The following UBE2E2 variants were observed in gnomAD, a reference collection of about 807,000 sequenced individuals.
UBE2E2 encodes ubiquitin-conjugating enzyme E2 E2.
Under a neutral mutation model 24.7 loss-of-function variants are expected in UBE2E2, and 6 were observed. The observed-to-expected ratio is 0.24, with a 90% CI of 0.13 to 0.48. UBE2E2 has a LOEUF of 0.48. UBE2E2 is among the 20% of genes least tolerant of loss of function. The probability of loss-of-function intolerance (pLI) is 0.99; values close to 1 mark genes in which losing one functional copy is unlikely to be tolerated. For missense variants in UBE2E2, 169 were observed against 245.0 expected (o/e 0.69, Z 2.07); for synonymous variants, 104 against 83.6 (o/e 1.24, Z -1.33).
chr3:23,560,299 G>A (rs1344761423), intron 5 of UBE2E2, among the ~76,000 whole-genome samples: 2 of 141,804 alleles, frequency 1.4e-5, no homozygotes, highest in Non-Finnish European at 3.0e-5. Flanking sequence ...TCCCACCTAT[G>A]AGTGAGAACA....
chr3:23,535,172 T>G (rs1412123764), intron 5 of UBE2E2, among the ~76,000 whole-genome samples: 1 of 152,196 alleles, frequency 6.6e-6, no homozygotes, highest in Non-Finnish European at 1.5e-5. Flanking sequence ...CAGGCTTAGT[T>G]TTTGATATAA....
intron 3 of UBE2E2, among the ~76,000 whole-genome samples, chr3:23,453,738 C>T (rs1698617215): frequency 1.3e-5 from 2 of 152,190 alleles, no homozygotes; most frequent in African/African-American, 4.8e-5. Flanking sequence ...TCCTAACCCT[C>T]TGCAACCAAC....
chr3:23,463,503 C>T (rs1217299891), intron 3 of UBE2E2, among the ~76,000 whole-genome samples: 2 of 151,972 alleles, frequency 1.3e-5, no homozygotes, highest in Non-Finnish European at 2.9e-5. Flanking sequence ...ATAACCATTA[C>T]CCCAGGTCCC....
chr3:23,374,472 A>G (rs1048121059), intron 3 of UBE2E2, among the ~76,000 whole-genome samples: 1 of 152,222 alleles, frequency 6.6e-6, no homozygotes, highest in African/African-American at 2.4e-5. Flanking sequence ...ATACTATAAA[A>G]TGCTACTTAG....
intron 3 of UBE2E2, among the ~76,000 whole-genome samples, chr3:23,341,172 G>C (rs1695378595): frequency 6.6e-6 from 1 of 152,126 alleles, no homozygotes; most frequent in Non-Finnish European, 1.5e-5. Context: ...TTAAATATTG[G>C]AGGTAAGACT....
rs943097144 is a variant in UBE2E2, at chr3:23,517,013, A to C, written c.361-15541A>C. Among the ~76,000 whole-genome samples, 4 of 152,156 alleles carry C rather than the reference A, an allele frequency of 2.6e-5. No homozygotes were observed. The East Asian group carries it at 7.7e-4, about 29-fold the overall frequency. On this transcript the variant is annotated intron_variant, in intron 4 of 5. Coordinates refer to ENST00000396703, the MANE Select transcript of UBE2E2 (RefSeq NM_152653.4). The stretch of plus-strand genomic sequence containing the variant: ...GATAATTTTGACTAAAATAGGAGGA[A>C]ATAAATGAAACACTGACCAATACAG...
chr3:23,254,989 C>T (rs1309505582), intron 3 of UBE2E2, among the ~76,000 whole-genome samples: 1 of 151,164 alleles, frequency 6.6e-6, no homozygotes, highest in East Asian at 1.9e-4. Flanking sequence ...TAAGCCAGTG[C>T]TGCATAAGTG....
chr3:23,226,474 C>T (rs1345914373), intron 3 of UBE2E2, among the ~76,000 whole-genome samples: 1 of 150,342 alleles, frequency 6.7e-6, no homozygotes, highest in Non-Finnish European at 1.5e-5. Flanking sequence ...CATTAAGTAA[C>T]TTGTTCAAGG....
chr3:23,478,642 G>A (rs1699187823), intron 3 of UBE2E2, among the ~76,000 whole-genome samples: 1 of 152,110 alleles, frequency 6.6e-6, no homozygotes, highest in South Asian at 2.1e-4. Flanking sequence ...TACTAAAGTA[G>A]CAAATTCAAA....
At chr3:23,545,597 G>A (rs1695504904) in intron 5 of UBE2E2, among the ~76,000 whole-genome samples, 1 of 152,128 alleles carries the variant, frequency 6.6e-6, no homozygotes, top group African/African-American at 2.4e-5. Flanking sequence ...CACAGACACA[G>A]TAACAATCTG....
intron 3 of UBE2E2, among the ~76,000 whole-genome samples, chr3:23,484,857 A>G (rs578202915): frequency 1.6e-3 from 240 of 152,202 alleles, no homozygotes; most frequent in African/African-American, 5.5e-3. Flanking sequence ...ACAGAATGGG[A>G]AAGACCCACC....
At chr3:23,348,098 A>G (rs573345129) in intron 3 of UBE2E2, among the ~76,000 whole-genome samples, 9 of 152,208 alleles carry the variant, frequency 5.9e-5, no homozygotes, top group African/African-American at 1.4e-4. Flanking sequence ...AATCATCGCA[A>G]GACGACAATG....
At chr3:23,483,569 T>C (rs1699300387) in intron 3 of UBE2E2, among the ~76,000 whole-genome samples, 1 of 152,228 alleles carries the variant, frequency 6.6e-6, no homozygotes, top group Admixed American at 6.5e-5. Flanking sequence ...TTTTATTATG[T>C]GTTTCCTATT....
At chr3:23,350,481 A>C (rs1410290385) in intron 3 of UBE2E2, among the ~76,000 whole-genome samples, 1 of 152,162 alleles carries the variant, frequency 6.6e-6, no homozygotes, top group Non-Finnish European at 1.5e-5. Context: ...GAAGTAAAAA[A>C]CTTTGAAAAA....
At chr3:23,275,617 A>G (rs887299687) in intron 3 of UBE2E2, among the ~76,000 whole-genome samples, 3 of 152,210 alleles carry the variant, frequency 2.0e-5, no homozygotes, top group East Asian at 1.9e-4. Context: ...GAAATTTTCT[A>G]TTGCTCTATA....
At chr3:23,372,264 A>T (rs892292478) in intron 3 of UBE2E2, among the ~76,000 whole-genome samples, 8 of 152,138 alleles carry the variant, frequency 5.3e-5, no homozygotes, top group African/African-American at 1.7e-4. Context: ...TGGGATTTTT[A>T]AAAAATTTCT....
intron 4 of UBE2E2, among the ~76,000 whole-genome samples, chr3:23,509,277 C>A (rs1694530628): frequency 6.6e-6 from 1 of 152,102 alleles, no homozygotes; most frequent in South Asian, 2.1e-4. Flanking sequence ...TTTATGGAAC[C>A]AGATCAAGAC....
At chr3:23,379,995 A>T (rs1559367025) in intron 3 of UBE2E2, among the ~76,000 whole-genome samples, 2 of 151,960 alleles carry the variant, frequency 1.3e-5, no homozygotes, top group Admixed American at 1.3e-4. Context: ...TCACTTTATC[A>T]TAAATTAACT....
chr3:23,444,227 A>G lies in UBE2E2; in HGVS notation c.228-55381A>G, dbSNP rs1241160400. ...CCGCTGGCTATGGAAGCACCACGAG[A>G]TACCCCAGTGAATCTCTCAAGTTCT... On this transcript the variant is annotated intron_variant, in intron 3 of 5. Coordinates refer to ENST00000396703, the MANE Select transcript of UBE2E2 (RefSeq NM_152653.4). 2.0e-5 allele frequency among the ~76,000 whole-genome samples: 3 copies of G among 152,014 alleles called. No individual in the cohort carries two copies. In the East Asian group the frequency reaches 5.8e-4, roughly 29 times the overall value.
Sources: allele counts gnomAD v4.1 joint callset (sites outside exome capture counted in the v4.1 genomes callset), GRCh38; gene constraint gnomAD v4.1.1; transcripts MANE v1.5; gene names NCBI Gene and HGNC (gene_info 2026-07-23, HGNC 2026-07-21).